PLCH1: variants seen among roughly 807,000 people sequenced by gnomAD.
The protein encoded by PLCH1 is 1-phosphatidylinositol 4,5-bisphosphate phosphodiesterase eta-1.
In PLCH1, 60 loss-of-function variants were observed where a neutral mutation model predicts 126.7. The ratio of observed to expected loss-of-function variants is 0.47; its 90% CI spans 0.38 to 0.59. The LOEUF (loss-of-function observed/expected upper bound fraction) is 0.59. Ranked by LOEUF, PLCH1 falls within the 20% of genes least tolerant of loss-of-function variation. The pLI, the probability that PLCH1 is intolerant of heterozygous loss-of-function variation, is 0.00. For missense variants in PLCH1, 1,723 were observed against 2,040.0 expected (o/e 0.84, Z 2.99); for synonymous variants, 719 against 734.9 (o/e 0.98, Z 0.35).
intron 8 of PLCH1, among the ~76,000 whole-genome samples, chr3:155,561,123 T>C (rs1441389107): frequency 6.6e-6 from 1 of 152,034 alleles, no homozygotes; most frequent in African/African-American, 2.4e-5. Flanking sequence ...TCTTTTTTTT[T>C]TAATTATTAT....
chr3:155,706,404 G>A (rs1208391868), intron 1 of PLCH1, among the ~76,000 whole-genome samples: 3 of 151,570 alleles, frequency 2.0e-5, no homozygotes, highest in Middle Eastern at 3.2e-3. Context: ...GGCAGATCAC[G>A]AGGTCAGGAG....
intron 4 of PLCH1, among the ~76,000 whole-genome samples, chr3:155,593,605 T>C (rs115842798): frequency 0.021 from 3,138 of 152,320 alleles, 124 homozygotes; most frequent in African/African-American, 0.072. Context: ...TTAATGAATA[T>C]GCCTATGATT....
chr3:155,641,314 T>C (rs186310440), intron 2 of PLCH1, among the ~76,000 whole-genome samples: 2 of 152,256 alleles, frequency 1.3e-5, no homozygotes, highest in African/African-American at 4.8e-5. Flanking sequence ...CCTGTCTTTA[T>C]AGATTTTTTT....
intron 9 of PLCH1, among the ~76,000 whole-genome samples, chr3:155,553,165 A>G (rs1726358800): frequency 6.6e-6 from 1 of 152,150 alleles, no homozygotes; most frequent in South Asian, 2.1e-4. Context: ...CCCAGGCTGG[A>G]GTGCAGTGGT....
At chr3:155,635,187 C>G (rs998920505) in intron 2 of PLCH1, among the ~76,000 whole-genome samples, 1 of 151,926 alleles carries the variant, frequency 6.6e-6, no homozygotes, top group Non-Finnish European at 1.5e-5. Context: ...CAGCTACACT[C>G]ACTCATATGA....
At chr3:155,547,339 G>A (rs1388782709) in intron 10 of PLCH1, among the ~76,000 whole-genome samples, 5 of 151,700 alleles carry the variant, frequency 3.3e-5, no homozygotes, top group Non-Finnish European at 5.9e-5. Context: ...ACCACAGTGA[G>A]ATACCATCTC....
intron 1 of PLCH1, among the ~76,000 whole-genome samples, chr3:155,704,648 G>C (rs1577345941): frequency 1.3e-5 from 2 of 152,150 alleles, no homozygotes; most frequent in South Asian, 2.1e-4. Flanking sequence ...AGTTGCAGGT[G>C]GGGAGGCAAC....
intron 21 of PLCH1, among the ~76,000 whole-genome samples, chr3:155,474,040 C>A (rs1430014378): frequency 6.6e-6 from 1 of 152,098 alleles, no homozygotes; most frequent in Non-Finnish European, 1.5e-5. Flanking sequence ...TCTAAAACAC[C>A]AAAAGCAGTG....
At chr3:155,546,967 A>AC (rs1033324452) in intron 10 of PLCH1, among the ~76,000 whole-genome samples, 1 of 142,588 alleles carries the variant, frequency 7.0e-6, no homozygotes, top group African/African-American at 2.6e-5. Flanking sequence ...ACCATTCAGG[A>AC]CATAGGCATG....
At chr3:155,495,115 G>A (rs138988006) in intron 15 of PLCH1, among the ~76,000 whole-genome samples, 39 of 152,142 alleles carry the variant, frequency 2.6e-4, no homozygotes, top group African/African-American at 8.7e-4. Flanking sequence ...TAATAATGGA[G>A]AAAAAGAGGT....
chr3:155,557,826 T>A (rs1301214857), intron 8 of PLCH1, among the ~76,000 whole-genome samples: 2 of 152,176 alleles, frequency 1.3e-5, no homozygotes, highest in Non-Finnish European at 2.9e-5. Flanking sequence ...CTTTTCATAA[T>A]GGAGCTTAAA....
chr3:155,534,098 G>A (rs1723038888), intron 10 of PLCH1, among the ~76,000 whole-genome samples: 1 of 152,188 alleles, frequency 6.6e-6, no homozygotes, highest in Admixed American at 6.5e-5. Flanking sequence ...TGTGAAAAGA[G>A]GGCCACCGTC....
chr3:155,472,802 A>G (rs1185773900), intron 21 of PLCH1, among the ~76,000 whole-genome samples: 2 of 150,756 alleles, frequency 1.3e-5, no homozygotes, highest in Non-Finnish European at 3.0e-5. Flanking sequence ...GTAATCCAGC[A>G]TATAAACAGA....
At chr3:155,641,260 A>AT (rs1046443247) in intron 2 of PLCH1, among the ~76,000 whole-genome samples, 3 of 151,594 alleles carry the variant, frequency 2.0e-5, no homozygotes, top group East Asian at 1.9e-4. Context: ...AGTATTTACA[A>AT]TTTTTTTAAA....
chr3:155,553,987 G>A (rs1437945977), intron 9 of PLCH1, 89 bp downstream of exon 9: 1 of 1,292,210 alleles, frequency 7.7e-7, no homozygotes, highest in Non-Finnish European at 1.1e-6. Flanking sequence ...AGAGTCCAAG[G>A]AAGAGGATGT....
rs34725442 is a variant in PLCH1, at chr3:155,706,172, CAAAAAAAAA to C, written c.-40-1917_-40-1909del. Among the ~76,000 whole-genome samples the C allele has an allele frequency of 2.6e-4, 16 of 61,616 alleles. No individual in the cohort carries two copies. In the East Asian group the frequency reaches 7.3e-3, roughly 28 times the overall value. The allele number at this position is 61,616 out of a possible 152,430, so 40.4% of individuals were successfully genotyped here. A position where few individuals can be genotyped will look rare whatever the true frequency, so the allele number is the denominator to read the frequency against. On this transcript the variant is annotated intron_variant, in intron 1 of 22. Transcript: ENST00000460012. ...CTGGTGACAGAACAAGACTCTATCTCAAAAAAAAAAAAAAAAAAAAAAAAAAATCTGCTG... is the reference window on the plus strand; with the variant it reads ...CTGGTGACAGAACAAGACTCTATCTCAAAAAAAAAAAAAAAAAATCTGCTG...
At chr3:155,666,892 A>AGG (rs1399540022) in intron 2 of PLCH1, among the ~76,000 whole-genome samples, 2 of 132,378 alleles carry the variant, frequency 1.5e-5, no homozygotes, top group Non-Finnish European at 3.2e-5. Context: ...GACACAGATG[A>AGG]GGTGTGTGTG....
At chr3:155,530,084 T>G (rs1382271326) in intron 10 of PLCH1, among the ~76,000 whole-genome samples, 1 of 152,096 alleles carries the variant, frequency 6.6e-6, no homozygotes, top group African/African-American at 2.4e-5. Flanking sequence ...AAACTAAGTT[T>G]GCTCCATTGA....
At chr3:155,724,328 G>A (rs969010799) in intron 1 of PLCH1, among the ~76,000 whole-genome samples, 10 of 152,174 alleles carry the variant, frequency 6.6e-5, no homozygotes, top group Admixed American at 6.5e-5. Flanking sequence ...TCTAGGTGCT[G>A]TCAGTGGAGT....
Sources: gnomAD v4.1 joint callset for allele counts (sites outside exome capture counted in the v4.1 genomes callset) on GRCh38, gnomAD v4.1.1 for gene constraint, MANE v1.5 for transcripts, NCBI Gene and HGNC (gene_info 2026-07-23, HGNC 2026-07-21) for gene names.